The following CNTN5 variants were observed in gnomAD, a reference collection of about 807,000 sequenced individuals.
The protein encoded by CNTN5 is contactin 5.
In CNTN5, 77 loss-of-function variants were observed where a neutral mutation model predicts 129.1. The observed-to-expected ratio is 0.60, with a 90% CI of 0.50 to 0.72. The LOEUF (loss-of-function observed/expected upper bound fraction) is 0.72. Ranked by LOEUF, CNTN5 falls within the 30% of genes least tolerant of loss-of-function variation. CNTN5 has a pLI of 0.00. For missense variants in CNTN5, 1,478 were observed against 1,328.8 expected (o/e 1.11, Z -1.75); for synonymous variants, 509 against 465.6 (o/e 1.09, Z -1.20).
intron 16 of CNTN5, among the ~76,000 whole-genome samples, chr11:100,244,795 T>G (rs976827932): frequency 6.6e-6 from 1 of 152,176 alleles, no homozygotes; most frequent in Non-Finnish European, 1.5e-5. Context: ...ACTGCATATT[T>G]TGTTTACCTA....
At chr11:99,042,589 A>T (rs1213629691) in intron 1 of CNTN5, among the ~76,000 whole-genome samples, 1 of 151,786 alleles carries the variant, frequency 6.6e-6, no homozygotes, top group African/African-American at 2.4e-5. Flanking sequence ...GTTAGCCAGG[A>T]TGGTCTCGAC....
intron 20 of CNTN5, among the ~76,000 whole-genome samples, chr11:100,305,990 TAAG>T (rs59055456): frequency 0.013 from 1,938 of 151,290 alleles, 51 homozygotes; most frequent in African/African-American, 0.045. Context: ...CGTAACGCTT[TAAG>T]AAGTTCACAA....
intron 1 of CNTN5, among the ~76,000 whole-genome samples, chr11:99,207,806 T>G (rs1421342732): frequency 1.3e-5 from 2 of 152,206 alleles, no homozygotes; most frequent in African/African-American, 4.8e-5. Flanking sequence ...ACCATATGGC[T>G]GTCTACATCT....
chr11:99,711,674 C>G (rs765919149), intron 3 of CNTN5, among the ~76,000 whole-genome samples: 2 of 151,940 alleles, frequency 1.3e-5, no homozygotes, highest in Non-Finnish European at 2.9e-5. Flanking sequence ...ATGTCCCCTT[C>G]CCTGTGTCCA....
At chr11:99,380,021 A>G (rs1940435955) in intron 2 of CNTN5, among the ~76,000 whole-genome samples, 1 of 152,006 alleles carries the variant, frequency 6.6e-6, no homozygotes, top group Non-Finnish European at 1.5e-5. Context: ...TATGTGTCCC[A>G]TAACAATGTT....
chr11:100,103,290 C>G (rs936525014), intron 13 of CNTN5, among the ~76,000 whole-genome samples: 60 of 152,270 alleles, frequency 3.9e-4, no homozygotes, highest in African/African-American at 1.4e-3. Context: ...TTTTTATTGA[C>G]ATTTCAGTTG....
At chr11:99,056,638 A>C (rs1168257790) in intron 1 of CNTN5, among the ~76,000 whole-genome samples, 1 of 152,028 alleles carries the variant, frequency 6.6e-6, no homozygotes, top group African/African-American at 2.4e-5. Context: ...AGATGGGAAC[A>C]TAAGATTGGC....
intron 2 of CNTN5, among the ~76,000 whole-genome samples, chr11:99,433,091 A>C (rs138254109): frequency 6.6e-6 from 1 of 151,852 alleles, no homozygotes; most frequent in Admixed American, 6.6e-5. Flanking sequence ...AGAGGATGGA[A>C]ATCTGAAATT....
At chr11:99,325,041 G>A (rs897262358) in intron 1 of CNTN5, among the ~76,000 whole-genome samples, 5 of 152,056 alleles carry the variant, frequency 3.3e-5, no homozygotes, top group African/African-American at 1.2e-4. Flanking sequence ...AGAAAAGCTT[G>A]GAATGGTGGT....
chr11:99,461,436 G>A lies in CNTN5; in HGVS notation c.-70-94709G>A, dbSNP rs183628470. Among the ~76,000 whole-genome samples, 42 of 152,020 alleles carry A rather than the reference G, an allele frequency of 2.8e-4. 1 individual carries two copies. The highest frequency in any genetic ancestry group is 9.6e-4 in the African/African-American group (40 of 41,470). On this transcript the variant is annotated intron_variant, in intron 2 of 24. Transcript: ENST00000524871. ...ATATTTTCAAATGCCCCAAGAGATCGCCTATGAAGACCAACAAGGATGTGA... is the reference window on the plus strand; with the variant it reads ...ATATTTTCAAATGCCCCAAGAGATCACCTATGAAGACCAACAAGGATGTGA...
At chr11:100,006,078 G>A (rs1052951885) in intron 9 of CNTN5, among the ~76,000 whole-genome samples, 2 of 152,234 alleles carry the variant, frequency 1.3e-5, no homozygotes, top group African/African-American at 4.8e-5. Flanking sequence ...CAGAAGTTAT[G>A]TTTACATTAT....
rs143837395 is a variant in CNTN5, at chr11:99,536,557, GA to G, written c.-70-19583del. ...CTTCCTATTTTAAGGATATGAACCA[GA>G]AAAATACAGCAAAAGGACTTCACAA... On this transcript the variant is annotated intron_variant, in intron 2 of 24. Coordinates refer to ENST00000524871, the MANE Select transcript of CNTN5 (RefSeq NM_014361.4). Among the ~76,000 whole-genome samples, 1,377 of 152,068 alleles carry G rather than the reference GA, an allele frequency of 9.1e-3. 23 individuals carry two copies. Among genetic ancestry groups the G allele is most frequent in the African/African-American group, 0.031 (1,304 of 41,518 alleles).
chr11:100,178,333 C>CT (rs1415798851), intron 13 of CNTN5, among the ~76,000 whole-genome samples: 4 of 152,086 alleles, frequency 2.6e-5, no homozygotes, highest in African/African-American at 7.2e-5. Context: ...CATTTGTTCC[C>CT]TTTTTTCTTA....
intron 2 of CNTN5, among the ~76,000 whole-genome samples, chr11:99,424,037 T>C (rs1304796903): frequency 6.6e-6 from 1 of 152,154 alleles, no homozygotes; most frequent in Non-Finnish European, 1.5e-5. Flanking sequence ...TCTAACACTG[T>C]GGACACAGTA....
chr11:99,370,588 T>C (rs1939764434), intron 2 of CNTN5, among the ~76,000 whole-genome samples: 1 of 152,192 alleles, frequency 6.6e-6, no homozygotes, highest in East Asian at 1.9e-4. Flanking sequence ...TTCTTTGTCT[T>C]TGTTTAAATG....
chr11:100,045,415 T>C (rs1942611971), intron 9 of CNTN5, among the ~76,000 whole-genome samples: 1 of 151,916 alleles, frequency 6.6e-6, no homozygotes, highest in African/African-American at 2.4e-5. Flanking sequence ...GTAGAAATGA[T>C]CCAAAGATTA....
At chr11:99,162,776 T>A (rs1230084356) in intron 1 of CNTN5, among the ~76,000 whole-genome samples, 1 of 152,176 alleles carries the variant, frequency 6.6e-6, no homozygotes, top group East Asian at 1.9e-4. Flanking sequence ...CTAGCCCCAC[T>A]CATCAAATAA....
intron 3 of CNTN5, among the ~76,000 whole-genome samples, chr11:99,695,273 T>C (rs1385995820): frequency 6.6e-6 from 1 of 152,028 alleles, no homozygotes; most frequent in Non-Finnish European, 1.5e-5. Context: ...AGAAGAAAGA[T>C]ATATTCATTT....
chr11:100,231,773 A>T (rs776643019), intron 16 of CNTN5, among the ~76,000 whole-genome samples: 4 of 152,212 alleles, frequency 2.6e-5, no homozygotes, highest in Admixed American at 6.5e-5. Flanking sequence ...ATAGTTGTGT[A>T]GCTGTGGAGC....
Sources: gnomAD v4.1 joint callset for allele counts (sites outside exome capture counted in the v4.1 genomes callset) on GRCh38, gnomAD v4.1.1 for gene constraint, MANE v1.5 for transcripts, NCBI Gene and HGNC (gene_info 2026-07-23, HGNC 2026-07-21) for gene names.